The following DOCK9 variants were observed in gnomAD, a reference collection of about 807,000 sequenced individuals.
The protein encoded by DOCK9 is dedicator of cytokinesis protein 9.
Under a neutral mutation model 263.3 loss-of-function variants are expected in DOCK9, and 89 were observed. The observed-to-expected ratio is 0.34, with a 90% confidence interval of 0.28 to 0.40. DOCK9 has a LOEUF of 0.40. Ranked by LOEUF, DOCK9 falls within the 10% of genes least tolerant of loss-of-function variation. The probability of loss-of-function intolerance (pLI) is 1.00; values close to 1 mark genes in which losing one functional copy is unlikely to be tolerated. For missense variants in DOCK9, 2,140 were observed against 2,603.4 expected, an observed-to-expected ratio of 0.82 and a Z score of 3.87; for synonymous variants, 976 against 973.1, an observed-to-expected ratio of 1.00 and a Z score of -0.06.
intron 1 of DOCK9, among the ~76,000 whole-genome samples, chr13:98,986,830 T>C (rs117421147): frequency 6.6e-6 from 1 of 152,286 alleles, no homozygotes; most frequent in Non-Finnish European, 1.5e-5. Context: ...TTGTAAAATA[T>C]GTAAGTAAAC....
chr13:98,978,520 A>G (rs1875962314), upstream of DOCK9, among the ~76,000 whole-genome samples: 2 of 152,252 alleles, frequency 1.3e-5, no homozygotes, highest in East Asian at 3.8e-4. Flanking sequence ...TTCACCCCGC[A>G]TGACAGACCA....
At chr13:99,055,430 G>A (rs1303682316) in intron 1 of DOCK9, among the ~76,000 whole-genome samples, 2 of 152,168 alleles carry the variant, frequency 1.3e-5, no homozygotes, top group Non-Finnish European at 2.9e-5. Flanking sequence ...CGTCTGCGTT[G>A]GCTGGGCAGC....
Position 99,038,288 on chromosome 13 carries a change from CTTTTTTTTT to C in DOCK9, c.129+47926_129+47934del, listed in dbSNP as rs71419743. Among the ~76,000 whole-genome samples the C allele has an allele frequency of 3.9e-3, 336 of 86,260 alleles. 7 individuals carry two copies. The highest frequency in any genetic ancestry group is 0.023 in the East Asian group (63 of 2,682). The allele number at this position is 86,260 out of a possible 152,430, so 56.6% of individuals were successfully genotyped here. On this transcript the variant is annotated intron_variant, in intron 1 of 32. Transcript: ENST00000427887. The stretch of plus-strand genomic sequence containing the variant: ...GCTGAAAAACTGGCTTTATGCCCCC[CTTTTTTTTT>C]TTTTTTTTTTTTTTTTTTTTTTTGG...
intron 1 of DOCK9, among the ~76,000 whole-genome samples, chr13:98,990,300 A>G (rs1879501875): frequency 6.6e-6 from 1 of 152,224 alleles, no homozygotes; most frequent in Non-Finnish European, 1.5e-5. Context: ...TTACAGACTT[A>G]ATGTACTATT....
At chr13:99,045,446 CTAAAAA>C (rs1468670064) in intron 1 of DOCK9, among the ~76,000 whole-genome samples, 1 of 151,904 alleles carries the variant, frequency 6.6e-6, no homozygotes, top group Non-Finnish European at 1.5e-5. Flanking sequence ...GATGTAGACT[CTAAAAA>C]AGTCAAACTT....
chr13:98,797,469 T>C lies in DOCK9; in HGVS notation c.5937A>G (p.Ala1979=), dbSNP rs765567737. Residue 1979 remains alanine, a synonymous_variant, in exon 51 of 53, where the codon GCA becomes GCG. Transcript: ENST00000682017. The part of the protein sequence containing the change: ...VSVQVNAGPL[A]YARAFLDDTN... ...TATCATCTAAGAAAGCTCGCGCATATGCTAGTGGGCCAGCATTGACCTAGA... is the reference window on the plus strand; with the variant it reads ...TATCATCTAAGAAAGCTCGCGCATACGCTAGTGGGCCAGCATTGACCTAGA... 51 of 1,612,226 alleles carry C rather than the reference T, an allele frequency of 3.2e-5. No individual in the cohort carries two copies. The South Asian group carries it at 4.8e-4, about 15-fold the overall frequency.
intron 1 of DOCK9, among the ~76,000 whole-genome samples, chr13:99,034,513 A>G (rs1310307285): frequency 6.6e-6 from 1 of 152,186 alleles, no homozygotes; most frequent in Non-Finnish European, 1.5e-5. Context: ...ACCTTGAGTC[A>G]ATCATTAAAC....
At chr13:99,062,097 C>G (rs962163998) in intron 1 of DOCK9, among the ~76,000 whole-genome samples, 1 of 152,064 alleles carries the variant, frequency 6.6e-6, no homozygotes, top group East Asian at 1.9e-4. Context: ...GTCTCGAACT[C>G]CTGAGCCCAA....
intron 41 of DOCK9, among the ~76,000 whole-genome samples, chr13:98,830,540 G>A (rs552257233): frequency 3.3e-5 from 5 of 152,278 alleles, no homozygotes; most frequent in South Asian, 2.1e-4. Context: ...TCTAAACTCC[G>A]CAGTAAGGAA....
upstream of DOCK9, among the ~76,000 whole-genome samples, chr13:98,981,199 AGCACAT>A (rs1276573626): frequency 1.3e-5 from 2 of 151,664 alleles, no homozygotes; most frequent in Non-Finnish European, 2.9e-5. Flanking sequence ...TGGGACTACA[AGCACAT>A]GCCACCACAC....
chr13:98,977,846 G>A lies in DOCK9; in HGVS notation c.64C>T (p.Pro22Ser), dbSNP rs758211827. 6.2e-7 allele frequency: 1 copy of A among 1,607,800 alleles called. No individual in the cohort carries two copies. The highest frequency in any genetic ancestry group is 8.5e-7 in the Non-Finnish European group (1 of 1,176,894). ...TGAGCTGCATCCTTGTATTGCAGGG[G>A]GGACTCAATCACCAGTTCCTTTTTG... ...SVKKELVIES[P>S]LQYKDAAQGE... The change falls in exon 1 of 53, where the codon CCC (proline) becomes TCC (serine). Residue 22 changes from proline to serine, a missense_variant. Coordinates refer to ENST00000682017, the MANE Select transcript of DOCK9 (RefSeq NM_001366683.2).
intron 2 of DOCK9, among the ~76,000 whole-genome samples, chr13:98,932,967 T>G (rs2054204390): frequency 1.3e-5 from 2 of 152,050 alleles, no homozygotes; most frequent in African/African-American, 4.8e-5. Context: ...ACAGGCGCAA[T>G]CTGTACAAAA....
intron 43 of DOCK9, among the ~76,000 whole-genome samples, chr13:98,827,706 C>T (rs565551583): frequency 1.3e-5 from 2 of 152,334 alleles, no homozygotes; most frequent in South Asian, 2.1e-4. Context: ...GTCCAGTCCT[C>T]GGAGGCAGAG....
chr13:98,923,564 G>A lies in DOCK9; in HGVS notation c.417-193C>T, dbSNP rs2052428545. Among the ~76,000 whole-genome samples, 3 of 152,240 alleles carry A rather than the reference G, an allele frequency of 2.0e-5. No homozygotes were observed. The South Asian group carries it at 6.2e-4, about 32-fold the overall frequency. On this transcript the variant is annotated intron_variant, in intron 4 of 52. Coordinates refer to ENST00000682017, the MANE Select transcript of DOCK9 (RefSeq NM_001366683.2). ...TAAGCCAAGAGACTTGAGTAAGAAA[G>A]CTCCAAAAAGCTATGTGGAAAAGAC...
upstream of DOCK9, among the ~76,000 whole-genome samples, chr13:98,979,274 C>G (rs1876464097): frequency 6.6e-6 from 1 of 151,872 alleles, no homozygotes; most frequent in Non-Finnish European, 1.5e-5. Flanking sequence ...AGTCAGTCAA[C>G]AACGAGAGTA....
chr13:98,881,837 G>C (rs1419435588), intron 24 of DOCK9, 55 bp downstream of exon 24: 2 of 1,444,432 alleles, frequency 1.4e-6, no homozygotes, highest in Non-Finnish European at 9.5e-7. Context: ...GCATGACTAT[G>C]CTCCAGATGT....
At chr13:98,809,517 A>T in intron 46 of DOCK9, 52 bp from the exon 47 acceptor site, 1 of 1,435,926 alleles carries the variant, frequency 7.0e-7, no homozygotes, top group Non-Finnish European at 9.5e-7. Context: ...AGGAGAATCG[A>T]TTTTAAAATA....
intron 2 of DOCK9, among the ~76,000 whole-genome samples, chr13:98,947,062 T>A (rs1041190782): frequency 6.6e-6 from 1 of 152,228 alleles, no homozygotes; most frequent in Non-Finnish European, 1.5e-5. Context: ...CTCTCAGGGC[T>A]GGACTTCTGC....
At chr13:98,833,381 T>C (rs1196099083) in intron 39 of DOCK9, among the ~76,000 whole-genome samples, 2 of 152,210 alleles carry the variant, frequency 1.3e-5, no homozygotes, top group Non-Finnish European at 2.9e-5. Context: ...TTTCATTTCT[T>C]AGCACTCTTT....
Sources: allele counts gnomAD v4.1 joint callset (sites outside exome capture counted in the v4.1 genomes callset), GRCh38; gene constraint gnomAD v4.1.1; transcripts MANE v1.5; gene names NCBI Gene and HGNC (gene_info 2026-07-23, HGNC 2026-07-21).